The following SUGCT variants were observed in gnomAD, a reference collection of about 807,000 sequenced individuals.
SUGCT encodes succinyl-CoA:glutarate-CoA transferase, also known as succinyl-CoA:glutarate CoA-transferase.
A neutral mutation model predicts 55.0 loss-of-function variants in SUGCT; 41 were observed. The ratio of observed to expected loss-of-function variants is 0.74; its 90% CI spans 0.58 to 0.97. The LOEUF is 0.97. Ranked by LOEUF, SUGCT falls within the 50% of genes least tolerant of loss-of-function variation. SUGCT has a pLI of 0.00. For missense variants in SUGCT, 568 were observed against 547.8 expected (o/e 1.04, Z -0.37); for synonymous variants, 187 against 200.4 (o/e 0.93, Z 0.56).
At chr7:40,601,188 T>TG (rs1798273346) in intron 12 of SUGCT, among the ~76,000 whole-genome samples, 1 of 152,208 alleles carries the variant, frequency 6.6e-6, no homozygotes, top group Non-Finnish European at 1.5e-5. Flanking sequence ...ATTTGCTATT[T>TG]GGATGTCTTA....
intron 13 of SUGCT, among the ~76,000 whole-genome samples, chr7:40,843,496 G>C (rs1056930428): frequency 1.4e-5 from 1 of 71,408 alleles, no homozygotes; most frequent in Non-Finnish European, 3.3e-5. Context: ...GCAACAGAGA[G>C]AGACTCTGTC....
chr7:40,393,948 C>T (rs1191732758), intron 9 of SUGCT, among the ~76,000 whole-genome samples: 2 of 152,156 alleles, frequency 1.3e-5, no homozygotes, highest in Non-Finnish European at 2.9e-5. Flanking sequence ...TTAAAAACAA[C>T]AGCAACAAAA....
rs538345671 is a variant in SUGCT at position 40,357,216 on chromosome 7, A to G, written c.816+40361A>G. On this transcript the variant is annotated intron_variant, in intron 9 of 13. Coordinates refer to ENST00000335693, the MANE Select transcript of SUGCT (RefSeq NM_001193313.2). ...TAATTTTTCTGACTATTGCTTTCCT[A>G]TGAGTTGGGAATATTTTGATCAGTA... 1.2e-3 allele frequency among the ~76,000 whole-genome samples: 176 copies of G among 152,206 alleles called. 1 individual carries two copies. The highest frequency in any genetic ancestry group is 1.6e-3 in the Non-Finnish European group (112 of 68,016).
chr7:40,439,587 T>G (rs1788387573), intron 9 of SUGCT, among the ~76,000 whole-genome samples: 1 of 152,184 alleles, frequency 6.6e-6, no homozygotes, highest in African/African-American at 2.4e-5. Context: ...CCAGTTGTGT[T>G]AACTGGTCCC....
the SUGCT span, among the ~76,000 whole-genome samples, chr7:41,021,110 A>T: frequency 1.4e-4 from 22 of 152,236 alleles, no homozygotes; most frequent in African/African-American, 5.1e-4. Flanking sequence ...ACAAGCTTGC[A>T]CTATCCCAAG....
At chr7:40,497,635 G>C (rs1015642789) in intron 12 of SUGCT, among the ~76,000 whole-genome samples, 26 of 152,268 alleles carry the variant, frequency 1.7e-4, no homozygotes, top group African/African-American at 6.0e-4. Flanking sequence ...GAATATAGTA[G>C]ACCAGGGGAC....
intron 8 of SUGCT, among the ~76,000 whole-genome samples, chr7:40,310,995 A>C (rs1484890739): frequency 6.6e-6 from 1 of 152,180 alleles, no homozygotes; most frequent in Admixed American, 6.5e-5. Flanking sequence ...AATTGATTAT[A>C]TCACAGGCAT....
chr7:40,924,617 C>T, the SUGCT span, among the ~76,000 whole-genome samples: 1 of 152,262 alleles, frequency 6.6e-6, no homozygotes, highest in East Asian at 1.9e-4. Context: ...ATTAGCCCAT[C>T]AGTCATCAGC....
chr7:40,273,135 A>T (rs1006179004), intron 7 of SUGCT, among the ~76,000 whole-genome samples: 1 of 152,212 alleles, frequency 6.6e-6, no homozygotes, highest in African/African-American at 2.4e-5. Flanking sequence ...AAGGCATTAC[A>T]TTACAACTTT....
chr7:40,730,114 T>A (rs1240582639), intron 12 of SUGCT, among the ~76,000 whole-genome samples: 1 of 152,184 alleles, frequency 6.6e-6, no homozygotes, highest in Non-Finnish European at 1.5e-5. Flanking sequence ...GATAGTATTT[T>A]GTTTTGTTTT....
At chr7:40,945,108 A>G in the SUGCT span, among the ~76,000 whole-genome samples, 3 of 152,106 alleles carry the variant, frequency 2.0e-5, no homozygotes, top group African/African-American at 7.2e-5. Context: ...GGTAAAAACA[A>G]GCTGTGGCTA....
intron 12 of SUGCT, among the ~76,000 whole-genome samples, chr7:40,688,393 C>G (rs1784554869): frequency 6.6e-6 from 1 of 152,104 alleles, no homozygotes; most frequent in East Asian, 1.9e-4. Flanking sequence ...GTCTTGTACC[C>G]AGTCACTGGA....
chr7:40,687,501 T>C (rs896063666), intron 12 of SUGCT, among the ~76,000 whole-genome samples: 3 of 152,178 alleles, frequency 2.0e-5, no homozygotes, highest in Admixed American at 6.5e-5. Context: ...TCTACCTTTT[T>C]CTAATGGCCA....
chr7:40,623,252 G>A (rs1799359342), intron 12 of SUGCT, among the ~76,000 whole-genome samples: 1 of 152,112 alleles, frequency 6.6e-6, no homozygotes, highest in African/African-American at 2.4e-5. Flanking sequence ...TTAGAAACAC[G>A]TTCCTACTTT....
intron 7 of SUGCT, among the ~76,000 whole-genome samples, chr7:40,245,423 ATT>A (rs1168316176): frequency 7.2e-4 from 39 of 54,418 alleles, no homozygotes; most frequent in African/African-American, 3.1e-3. Context: ...ATATATATAT[ATT>A]TTTTTTTTTT....
At chr7:40,978,044 G>T in the SUGCT span, among the ~76,000 whole-genome samples, 1 of 152,108 alleles carries the variant, frequency 6.6e-6, no homozygotes, top group Non-Finnish European at 1.5e-5. Flanking sequence ...ATAGGGTCTT[G>T]GATAGCCCCT....
chr7:40,168,878 G>A (rs904495236), intron 1 of SUGCT, among the ~76,000 whole-genome samples: 3 of 152,098 alleles, frequency 2.0e-5, no homozygotes, highest in Non-Finnish European at 4.4e-5. Context: ...CATTTCTAAT[G>A]GATGGTCCCG....
chr7:40,594,888 G>C (rs909482398), intron 12 of SUGCT, among the ~76,000 whole-genome samples: 1 of 152,088 alleles, frequency 6.6e-6, no homozygotes, highest in Non-Finnish European at 1.5e-5. Context: ...AAGCCACTCT[G>C]CTACGTTTAG....
chr7:40,485,408 A>G (rs571439017), intron 11 of SUGCT, among the ~76,000 whole-genome samples: 7 of 145,746 alleles, frequency 4.8e-5, no homozygotes, highest in African/African-American at 1.8e-4. Flanking sequence ...ATATATATCT[A>G]TATACATTCT....
Sources: allele counts gnomAD v4.1 joint callset (sites outside exome capture counted in the v4.1 genomes callset), GRCh38; gene constraint gnomAD v4.1.1; transcripts MANE v1.5; gene names NCBI Gene and HGNC (gene_info 2026-07-23, HGNC 2026-07-21).